The following LRRC4C variants were observed in gnomAD, a reference collection of about 807,000 sequenced individuals.
LRRC4C encodes the protein leucine-rich repeat-containing protein 4C.
LRRC4C carries 5 observed loss-of-function variants against 33.6 expected under a neutral mutation model. That is an observed-to-expected ratio of 0.15 (90% CI 0.08 to 0.31). LRRC4C has a LOEUF of 0.31. LRRC4C is among the 10% of genes least tolerant of loss of function. The probability of loss-of-function intolerance (pLI) is 1.00; values close to 1 mark genes in which losing one functional copy is unlikely to be tolerated. For synonymous variants in LRRC4C, 329 were observed against 302.0 expected, an observed-to-expected ratio of 1.09 and a Z score of -0.93; for missense variants, 560 against 796.7, an observed-to-expected ratio of 0.70 and a Z score of 3.58.
chr11:40,306,628 A>G (rs77220030), intron 4 of LRRC4C, among the ~76,000 whole-genome samples: 2 of 152,266 alleles, frequency 1.3e-5, no homozygotes, highest in African/African-American at 2.4e-5. Flanking sequence ...ACACAGTCAA[A>G]AGCACCAGCT....
At chr11:40,656,689 ATTT>A (rs1269841774) in intron 2 of LRRC4C, among the ~76,000 whole-genome samples, 3 of 152,154 alleles carry the variant, frequency 2.0e-5, no homozygotes, top group Non-Finnish European at 4.4e-5. Flanking sequence ...ACCTATGCTA[ATTT>A]TAGTCATTAT....
At chr11:41,412,526 G>T (rs1954528478) in intron 1 of LRRC4C, among the ~76,000 whole-genome samples, 1 of 152,018 alleles carries the variant, frequency 6.6e-6, no homozygotes, top group African/African-American at 2.4e-5. Context: ...TGAAATGGAG[G>T]GTGATTAAGA....
chr11:41,079,744 T>A (rs1435467601), intron 1 of LRRC4C, among the ~76,000 whole-genome samples: 2 of 152,194 alleles, frequency 1.3e-5, no homozygotes, highest in African/African-American at 4.8e-5. Flanking sequence ...TCAACACAAA[T>A]TCATAAACTT....
chr11:41,307,186 A>G (rs1950528960), intron 1 of LRRC4C, among the ~76,000 whole-genome samples: 1 of 152,194 alleles, frequency 6.6e-6, no homozygotes, highest in African/African-American at 2.4e-5. Context: ...AACTTAAATA[A>G]CAACTCAATT....
chr11:41,036,760 T>C (rs1857101938), intron 1 of LRRC4C, among the ~76,000 whole-genome samples: 1 of 152,188 alleles, frequency 6.6e-6, no homozygotes, highest in African/African-American at 2.4e-5. Flanking sequence ...CACAGTAGTT[T>C]GAAAAGAGAT....
chr11:40,131,600 A>G (rs1856648486), intron 6 of LRRC4C, among the ~76,000 whole-genome samples: 1 of 152,142 alleles, frequency 6.6e-6, no homozygotes, highest in Non-Finnish European at 1.5e-5. Context: ...AAAATCAGAG[A>G]CACAAATTTT....
chr11:41,405,707 A>G (rs1251665672), intron 1 of LRRC4C, among the ~76,000 whole-genome samples: 2 of 152,154 alleles, frequency 1.3e-5, no homozygotes, highest in Non-Finnish European at 2.9e-5. Flanking sequence ...AGAAAAAGGA[A>G]GAATCTATCA....
In LRRC4C at chr11:41,293,687, T is replaced by A. The variant is rs188696285; in HGVS notation, c.-496+165744A>T. ...ATCTTAGCTCACTGCTAACTCTGCC[T>A]CCTGGGTTCAAGTGATTCTCCTGCC... On this transcript the variant is annotated intron_variant, in intron 1 of 6. Transcript: ENST00000528697. Among the ~76,000 whole-genome samples the A allele has an allele frequency of 4.8e-3, 735 of 152,262 alleles. 6 individuals carry two copies. The highest frequency in any genetic ancestry group is 7.7e-3 in the Non-Finnish European group (525 of 68,014).
At chr11:41,100,527 C>T (rs2135605409) in intron 1 of LRRC4C, among the ~76,000 whole-genome samples, 1 of 152,060 alleles carries the variant, frequency 6.6e-6, no homozygotes, top group East Asian at 1.9e-4. Context: ...GAGATCGTGC[C>T]ATTGCATTCC....
At chr11:41,404,084 T>C (rs1286768195) in intron 1 of LRRC4C, among the ~76,000 whole-genome samples, 1 of 152,114 alleles carries the variant, frequency 6.6e-6, no homozygotes, top group African/African-American at 2.4e-5. Context: ...CATGTTTTGG[T>C]GATGCCAACA....
At chr11:41,287,619 T>G (rs1223489560) in intron 1 of LRRC4C, among the ~76,000 whole-genome samples, 1 of 152,202 alleles carries the variant, frequency 6.6e-6, no homozygotes, top group East Asian at 1.9e-4. Flanking sequence ...TTTTCAATAT[T>G]AATTACTGGC....
chr11:40,629,466 G>A (rs948874150), intron 3 of LRRC4C, among the ~76,000 whole-genome samples: 15 of 152,044 alleles, frequency 9.9e-5, no homozygotes, highest in Non-Finnish European at 1.6e-4. Flanking sequence ...AATTTTAAGC[G>A]TTTGTTTCCC....
chr11:41,409,366 A>T (rs1954371524), intron 1 of LRRC4C, among the ~76,000 whole-genome samples: 1 of 152,200 alleles, frequency 6.6e-6, no homozygotes. Flanking sequence ...TGAAGGGAGG[A>T]TGACTTGGAA....
chr11:40,823,916 T>G (rs902307545), intron 2 of LRRC4C, among the ~76,000 whole-genome samples: 3 of 151,722 alleles, frequency 2.0e-5, no homozygotes, highest in African/African-American at 4.8e-5. Context: ...GCCCAAGAAT[T>G]GATACAACAT....
chr11:41,367,705 C>T (rs1164959265), intron 1 of LRRC4C, among the ~76,000 whole-genome samples: 1 of 151,990 alleles, frequency 6.6e-6, no homozygotes, highest in African/African-American at 2.4e-5. Context: ...TCGGTATGGG[C>T]TCCCTAGAAA....
intron 1 of LRRC4C, among the ~76,000 whole-genome samples, chr11:41,384,110 A>T (rs1255164684): frequency 6.6e-6 from 1 of 151,966 alleles, no homozygotes; most frequent in South Asian, 2.1e-4. Flanking sequence ...TAAAGCTGTA[A>T]TATGGACACC....
chr11:41,054,865 G>A (rs1236126281), intron 1 of LRRC4C, among the ~76,000 whole-genome samples: 1 of 152,162 alleles, frequency 6.6e-6, no homozygotes, highest in Non-Finnish European at 1.5e-5. Context: ...ACTATCATGA[G>A]AGCATGTTGG....
Position 40,721,219 on chromosome 11 carries a change from A to C in LRRC4C, c.-406-72941T>G, listed in dbSNP as rs529342416. On this transcript the variant is annotated intron_variant, in intron 2 of 6. Transcript: ENST00000528697. ...TTGAAGATAAGGCCTTTGGGAAGGA[A>C]TTAGATCATGAGGGTAGAACACTTT... Among the ~76,000 whole-genome samples, 4 of 152,278 alleles carry C rather than the reference A, an allele frequency of 2.6e-5. No individual in the cohort carries two copies. The South Asian group carries it at 8.3e-4, about 32-fold the overall frequency.
chr11:40,261,716 T>C (rs1000219496), intron 4 of LRRC4C, among the ~76,000 whole-genome samples: 2 of 151,978 alleles, frequency 1.3e-5, no homozygotes, highest in Non-Finnish European at 2.9e-5. Context: ...AGAATTTTTT[T>C]TGACAAAAAC....
Sources: allele counts gnomAD v4.1 joint callset (sites outside exome capture counted in the v4.1 genomes callset), GRCh38; gene constraint gnomAD v4.1.1; transcripts MANE v1.5; gene names NCBI Gene and HGNC (gene_info 2026-07-23, HGNC 2026-07-21).